Variants in TRIO observed in about 807,000 individuals in gnomAD.
TRIO encodes triple functional domain protein.
In TRIO, 58 loss-of-function variants were observed where a neutral mutation model predicts 351.9. That is an observed-to-expected ratio of 0.16 (90% confidence interval 0.13 to 0.21). The LOEUF (loss-of-function observed/expected upper bound fraction) is 0.21, where lower values mean the gene tolerates loss of function less well. TRIO is among the 10% of genes least tolerant of loss of function. The pLI is 1.00. For missense variants in TRIO, 3,201 were observed against 4,027.8 expected (o/e 0.79, Z 5.56); for synonymous variants, 1,758 against 1,595.7 (o/e 1.10, Z -2.42).
At chr5:14,374,846 T>TTG (rs560203658) in intron 19 of TRIO, among the ~76,000 whole-genome samples, 1,948 of 151,516 alleles carry the variant, frequency 0.013, 45 homozygotes, top group African/African-American at 0.044. Flanking sequence ...AAAACCGTGT[T>TTG]TGTGTGTGTG....
intron 25 of TRIO, 132 bp downstream of exon 25, chr5:14,389,530 A>G: frequency 1.6e-6 from 1 of 610,126 alleles, no homozygotes; most frequent in Non-Finnish European, 2.7e-6. Context: ...GAAGCCTATC[A>G]GTCTTTCTCC....
At chr5:14,460,866 A>G (rs1006131943) in intron 34 of TRIO, among the ~76,000 whole-genome samples, 153 bp from the exon 35 acceptor site, 12 of 152,222 alleles carry the variant, frequency 7.9e-5, no homozygotes, top group African/African-American at 2.9e-4. Flanking sequence ...CGTGTAAAGC[A>G]TCAGCCCCTG....
intron 56 of TRIO, 84 bp from the exon 57 acceptor site, chr5:14,507,796 A>T (rs26086): frequency 6.7e-7 from 1 of 1,494,474 alleles, no homozygotes; most frequent in East Asian, 2.3e-5. Context: ...GATTCCTTCC[A>T]CCTCACCATA....
chr5:14,324,831 G>GC lies in TRIO; in HGVS notation c.1732-5940dup, dbSNP rs1260303645. On this transcript the variant is annotated intron_variant, in intron 9 of 56. Coordinates refer to ENST00000344204, the MANE Select transcript of TRIO (RefSeq NM_007118.4). ...TAACACTTCTAGTGGCATCTGGACA[G>GC]CCCCCCCATAATCAAATGCATGGCT... Among the ~76,000 whole-genome samples the GC allele has an allele frequency of 4.6e-5, 7 of 152,240 alleles. No homozygotes were observed. The East Asian group carries it at 5.8e-4, about 13-fold the overall frequency.
chr5:14,491,617 C>T (rs1400201715), intron 48 of TRIO, among the ~76,000 whole-genome samples: 1 of 152,196 alleles, frequency 6.6e-6, no homozygotes, highest in Non-Finnish European at 1.5e-5. Context: ...GGAGCTAACA[C>T]CACTCTGTGT....
In TRIO at chr5:14,406,163, A is replaced by G. The variant is rs1488346510; in HGVS notation, c.4859+173A>G. The G allele has an allele frequency of 1.1e-5, 11 of 999,392 alleles. 1 individual carries two copies. Among genetic ancestry groups the G allele is most frequent in the Middle Eastern group, 3.3e-4 (1 of 3,022 alleles). The allele number at this position is 999,392 out of a possible 1,614,324, so 61.9% of individuals were successfully genotyped here. On this transcript the variant is annotated intron_variant, in intron 32 of 56. Coordinates refer to ENST00000344204, the MANE Select transcript of TRIO (RefSeq NM_007118.4). Reference sequence around the variant, plus strand: ...GTAATGAAACTGCTTTGTCAGAGATAAGAGCCTCTATTGGCTTAGAGTAAA... The same window carrying G: ...GTAATGAAACTGCTTTGTCAGAGATGAGAGCCTCTATTGGCTTAGAGTAAA...
At position 14,364,790 on chromosome 5, in the gene TRIO, C is replaced by T. The variant is rs535720184; in HGVS notation, c.2728C>T (p.Arg910Cys). 7 of 1,610,894 alleles carry T rather than the reference C, an allele frequency of 4.3e-6. No individual in the cohort carries two copies. The highest frequency in any genetic ancestry group is 1.7e-5 in the Admixed American group (1 of 59,774). The change falls in exon 15 of 57, where the codon CGC becomes TGC. Residue 910 changes from arginine (R) to cysteine (C), a missense_variant. Physicochemically the swap from Arg to Cys is radical, Grantham distance 180. Coordinates refer to ENST00000344204, the MANE Select transcript of TRIO (RefSeq NM_007118.4). ...ACACCTGGAGCAGTGCGTGCAGCTG[C>T]GCCACCTGCAGGCAGAAGTGAAACA... The part of the protein sequence containing the change: ...RKHLEQCVQL[R>C]HLQAEVKQVL...
intron 1 of TRIO, among the ~76,000 whole-genome samples, chr5:14,225,311 C>G (rs1792921813): frequency 6.6e-6 from 1 of 152,194 alleles, no homozygotes; most frequent in African/African-American, 2.4e-5. Flanking sequence ...AATCTAGGTG[C>G]TTATGTTATT....
chr5:14,349,791 CA>C (rs1742878052), intron 11 of TRIO, among the ~76,000 whole-genome samples: 1 of 152,148 alleles, frequency 6.6e-6, no homozygotes, highest in African/African-American at 2.4e-5. Flanking sequence ...ACTCATGTCA[CA>C]GGGGGTTGGT....
At chr5:14,411,158 G>A (rs6860137) in intron 33 of TRIO, among the ~76,000 whole-genome samples, 18,589 of 152,088 alleles carry the variant, frequency 0.12, 1,703 homozygotes, top group African/African-American at 0.26. Context: ...AGCCAGACAC[G>A]GAACATGCAT....
chr5:14,504,367 A>T, intron 54 of TRIO, 26 bp from the exon 55 acceptor site: 3 of 1,613,266 alleles, frequency 1.9e-6, no homozygotes, highest in Non-Finnish European at 2.5e-6. Context: ...AGCCTCTGCA[A>T]ATGGTCCCCC....
chr5:14,260,484 A>G (rs1383735037), intron 1 of TRIO, among the ~76,000 whole-genome samples: 1 of 152,244 alleles, frequency 6.6e-6, no homozygotes, highest in African/African-American at 2.4e-5. Context: ...ATGAATGCCA[A>G]GCGATTAAAC....
chr5:14,216,703 A>G (rs1792249741), intron 1 of TRIO, among the ~76,000 whole-genome samples: 1 of 152,242 alleles, frequency 6.6e-6, no homozygotes, highest in East Asian at 1.9e-4. Flanking sequence ...ATGTGCCAGG[A>G]TGGTAGCAGT....
intron 48 of TRIO, chr5:14,488,886 G>T (rs1756255384): frequency 5.4e-6 from 4 of 743,362 alleles, no homozygotes; most frequent in Non-Finnish European, 9.8e-6. Flanking sequence ...TGCAGTGCAG[G>T]CTGGGGCCGG....
At chr5:14,483,063 CTG>C (rs1320971172) in intron 46 of TRIO, among the ~76,000 whole-genome samples, 1 of 152,128 alleles carries the variant, frequency 6.6e-6, no homozygotes. Flanking sequence ...CCGAGGAAAA[CTG>C]GTTTAAATTT....
At chr5:14,219,215 T>G (rs1192380077) in intron 1 of TRIO, among the ~76,000 whole-genome samples, 9 of 137,788 alleles carry the variant, frequency 6.5e-5, no homozygotes, top group Non-Finnish European at 1.2e-4. Flanking sequence ...GGGAGGAGGA[T>G]GATTTGCTTT....
In TRIO at chr5:14,474,162, C is replaced by G. The variant is rs1754879055; in HGVS notation, c.6083+65C>G. 6 of 1,502,466 alleles carry G rather than the reference C, an allele frequency of 4.0e-6. No individual in the cohort carries two copies. In the Admixed American group the frequency reaches 1.0e-4, roughly 25 times the overall value. The allele number at this position is 1,502,466 out of a possible 1,614,324, so 93.1% of individuals were successfully genotyped here. ...GCCACACTTGCTAAACCAAGGCAGG[C>G]CAGGCCAAAGGGAATTTATTCTGTT... On this transcript the variant is annotated intron_variant, in intron 40 of 56. Coordinates refer to ENST00000344204, the MANE Select transcript of TRIO (RefSeq NM_007118.4).
chr5:14,492,173 C>CT (rs1019319243), intron 48 of TRIO, among the ~76,000 whole-genome samples: 3 of 152,098 alleles, frequency 2.0e-5, no homozygotes, highest in East Asian at 1.9e-4. Context: ...ATTCTAATAC[C>CT]TTTTTTTAAC....
intron 34 of TRIO, among the ~76,000 whole-genome samples, chr5:14,431,820 C>T (rs771090318): frequency 6.6e-6 from 1 of 152,224 alleles, no homozygotes; most frequent in East Asian, 1.9e-4. Flanking sequence ...TCGGCTTCCT[C>T]TGGGGCCTCT....
Sources: allele counts gnomAD v4.1 joint callset (sites outside exome capture counted in the v4.1 genomes callset), GRCh38; gene constraint gnomAD v4.1.1; transcripts MANE v1.5; gene names NCBI Gene and HGNC (gene_info 2026-07-23, HGNC 2026-07-21).